Variants in ERGIC2 observed in about 807,000 individuals in gnomAD.
ERGIC2 encodes ERGIC and golgi 2, also known as endoplasmic reticulum-Golgi intermediate compartment protein 2.
In ERGIC2, 31 loss-of-function variants were observed where a neutral mutation model predicts 52.5. The ratio of observed to expected loss-of-function variants is 0.59; its 90% confidence interval spans 0.44 to 0.80. ERGIC2 has a LOEUF of 0.80. Ranked by LOEUF, ERGIC2 falls within the 30% of genes least tolerant of loss-of-function variation. ERGIC2 has a pLI of 0.00. For missense variants in ERGIC2, 395 were observed against 455.2 expected (o/e 0.87, Z 1.20); for synonymous variants, 129 against 140.6 (o/e 0.92, Z 0.58).
At position 29,338,722 on chromosome 12, in the gene ERGIC2, C is replaced by T. The variant is rs1949815826; in HGVS notation, c.*2434G>A. The T allele has an allele frequency of 6.6e-6, 1 of 152,006 alleles. No individual in the cohort carries two copies. Among genetic ancestry groups the T allele is most frequent in the Non-Finnish European group, 1.5e-5 (1 of 68,018 alleles). The allele number at this position is 152,006 out of a possible 1,614,324, so 9.4% of individuals were successfully genotyped here. On this transcript the variant is annotated 3_prime_UTR_variant, in exon 14 of 14. Coordinates refer to ENST00000360150, the MANE Select transcript of ERGIC2 (RefSeq NM_016570.3). ...AGAGGTAGTCTGAAGTGTACAAATA[C>T]TGCAGCAGGGAATTATTCACCTAAA... is the stretch of plus-strand genomic sequence containing the variant.
intron 8 of ERGIC2, among the ~76,000 whole-genome samples, chr12:29,350,939 C>T (rs902351597): frequency 5.3e-5 from 8 of 152,008 alleles, no homozygotes; most frequent in African/African-American, 1.9e-4. Flanking sequence ...TTGGTTTTCC[C>T]TTATACTTTT....
At chr12:29,341,254 TTA>T (rs771532795) in intron 13 of ERGIC2, 36 bp from the exon 14 acceptor site, 1 of 1,507,990 alleles carries the variant, frequency 6.6e-7, no homozygotes, top group Non-Finnish European at 9.1e-7. Context: ...GACCAAAGAA[TTA>T]GTTTTATTCC....
intron 7 of ERGIC2, among the ~76,000 whole-genome samples, chr12:29,356,973 T>A (rs1940215253): frequency 6.6e-6 from 1 of 152,048 alleles, no homozygotes; most frequent in Admixed American, 6.5e-5. Flanking sequence ...CGAATCTTTT[T>A]TTTTTTTCTT....
In ERGIC2 at chr12:29,343,194, G is replaced by A; in HGVS notation, c.914C>T (p.Thr305Ile). Residue 305 changes from threonine (T) to isoleucine (I), a missense_variant, in exon 12 of 14, where the codon ACT becomes ATT. Physicochemically the swap from Thr to Ile is moderately conservative, Grantham distance 89 (BLOSUM62 -1). Transcript: ENST00000360150. ...CTGCCAGAATGGCATGTGCTCCTCA[G>A]TAACTGTCACCATAAGAGAACTGAG... is the stretch of plus-strand genomic sequence containing the variant. ...YDLSSLMVTVTEEHMPFWQFF... is the reference protein window; with the variant it reads ...YDLSSLMVTVIEEHMPFWQFF... The A allele has an allele frequency of 1.2e-6, 2 of 1,611,064 alleles. No homozygotes were observed. The highest frequency in any genetic ancestry group is 1.7e-6 in the Non-Finnish European group (2 of 1,177,984).
chr12:29,370,429 A>G (rs1275219995), intron 2 of ERGIC2, among the ~76,000 whole-genome samples: 2 of 152,002 alleles, frequency 1.3e-5, no homozygotes, highest in Non-Finnish European at 2.9e-5. Context: ...TTTAATATAT[A>G]CAAATATGAA....
At chr12:29,376,265 G>A (rs931750161) in intron 1 of ERGIC2, among the ~76,000 whole-genome samples, 6 of 152,110 alleles carry the variant, frequency 3.9e-5, no homozygotes, top group African/African-American at 1.2e-4. Context: ...ATAGCAGGTG[G>A]TAGAACTTGA....
chr12:29,375,378 G>A (rs1253949617), intron 1 of ERGIC2, among the ~76,000 whole-genome samples: 4 of 152,094 alleles, frequency 2.6e-5, no homozygotes, highest in Admixed American at 6.5e-5. Flanking sequence ...TTGAGAAAAG[G>A]AAGGAAGGAA....
At chr12:29,354,676 C>G (rs1336645520) in intron 8 of ERGIC2, among the ~76,000 whole-genome samples, 1 of 152,100 alleles carries the variant, frequency 6.6e-6, no homozygotes, top group Non-Finnish European at 1.5e-5. Flanking sequence ...GAACCAAATG[C>G]TTTTCTATTT....
intron 6 of ERGIC2, 24 bp downstream of exon 6, chr12:29,361,621 C>G (rs1372408639): frequency 6.4e-7 from 1 of 1,573,994 alleles, no homozygotes; most frequent in Non-Finnish European, 8.7e-7. Flanking sequence ...TTCTATGGAC[C>G]ACAATACTTT....
chr12:29,364,153 G>A (rs1005883253), intron 5 of ERGIC2, among the ~76,000 whole-genome samples: 2 of 152,066 alleles, frequency 1.3e-5, no homozygotes, highest in African/African-American at 4.8e-5. Context: ...TCCCAGTTCA[G>A]AGCAACAGAG....
chr12:29,348,123 A>C (rs917982304), intron 10 of ERGIC2, among the ~76,000 whole-genome samples: 3 of 152,180 alleles, frequency 2.0e-5, no homozygotes, highest in African/African-American at 7.2e-5. Context: ...TTCCATCCAC[A>C]CATTTCTAAA....
intron 3 of ERGIC2, among the ~76,000 whole-genome samples, chr12:29,368,794 G>A (rs988470691): frequency 2.0e-5 from 3 of 151,870 alleles, no homozygotes; most frequent in South Asian, 2.1e-4. Context: ...TGGTGTTCAC[G>A]GTAGTGTAAA....
At chr12:29,380,039 C>G (rs1453537691) in intron 1 of ERGIC2, among the ~76,000 whole-genome samples, 1 of 128,094 alleles carries the variant, frequency 7.8e-6, no homozygotes, top group Non-Finnish European at 1.6e-5. Context: ...CAACTGTATA[C>G]TAAAGTTCAC....
Position 29,371,676 on chromosome 12 carries a change from G to T in ERGIC2, c.-37-6C>A, listed in dbSNP as rs368806951. 1.6e-6 allele frequency: 2 copies of T among 1,256,584 alleles called. No homozygotes were observed. Among genetic ancestry groups the T allele is most frequent in the African/African-American group, 1.5e-5 (1 of 67,062 alleles). 77.8% of individuals were successfully genotyped at this position (1,256,584 alleles called of 1,614,324 possible). On this transcript the variant is annotated splice_region_variant and splice_polypyrimidine_tract_variant and intron_variant, in intron 1 of 13. Transcript: ENST00000360150. Reference sequence around the variant, plus strand: ...TCTTCCTTCATATAGTCATGCTAAGGAATAAATAAATTAATGAATAAATGA... The same window carrying T: ...TCTTCCTTCATATAGTCATGCTAAGTAATAAATAAATTAATGAATAAATGA...
intron 11 of ERGIC2, 59 bp from the exon 12 acceptor site, chr12:29,343,341 TCATCTGGTTACTTA>T: frequency 1.4e-6 from 2 of 1,386,820 alleles, no homozygotes; most frequent in Non-Finnish European, 2.0e-6. Context: ...AGAATTCATG[TCATCTGGTTACTTA>T]CATACATTCA....
Position 29,337,391 on chromosome 12 carries a change from T to C in ERGIC2, c.*3765A>G, listed in dbSNP as rs1949803489. 6.8e-6 allele frequency: 1 copy of C among 146,254 alleles called. No individual in the cohort carries two copies. Among genetic ancestry groups the C allele is most frequent in the African/African-American group, 2.7e-5 (1 of 37,258 alleles). The allele number at this position is 146,254 out of a possible 1,614,324, so 9.1% of individuals were successfully genotyped here. A position where few individuals can be genotyped will look rare whatever the true frequency, so the allele number is the denominator to read the frequency against. On this transcript the variant is annotated 3_prime_UTR_variant, in exon 14 of 14. Transcript: ENST00000360150. ...ATTTATTGAGTCCAAATGTTTATGC[T>C]TGCAATACTAAATATTTTGTTTTTT...
chr12:29,366,923 A>G lies in ERGIC2; in HGVS notation c.287T>C (p.Leu96Ser). 6.2e-7 allele frequency: 1 copy of G among 1,602,528 alleles called. No homozygotes were observed. The highest frequency in any genetic ancestry group is 8.5e-7 in the Non-Finnish European group (1 of 1,173,662). ...CQYVGADVLD[L>S]AETMVASADG... Reference sequence around the variant, plus strand: ...TGCAGATGCAACCATTGTTTCTGCTAAATCCAATACATCCGCTCCAACATC... The same window carrying G: ...TGCAGATGCAACCATTGTTTCTGCTGAATCCAATACATCCGCTCCAACATC... The change falls in exon 5 of 14, where the codon TTA becomes TCA. Residue 96 changes from leucine (L) to serine (S), a missense_variant. Physicochemically the swap from Leu to Ser is moderately radical, Grantham distance 145. Transcript: ENST00000360150.
chr12:29,362,195 A>AAAGTT (rs1940296095), intron 5 of ERGIC2, among the ~76,000 whole-genome samples: 1 of 152,208 alleles, frequency 6.6e-6, no homozygotes, highest in African/African-American at 2.4e-5. Context: ...AGGCATGATC[A>AAAGTT]AAGTTAGACT....
intron 11 of ERGIC2, among the ~76,000 whole-genome samples, chr12:29,344,028 C>T (rs1012087578): frequency 6.6e-6 from 1 of 152,002 alleles, no homozygotes; most frequent in African/African-American, 2.4e-5. Flanking sequence ...AGTCAAATGC[C>T]CTGGGATTCT....
Sources: gnomAD v4.1 joint callset for allele counts (sites outside exome capture counted in the v4.1 genomes callset) on GRCh38, gnomAD v4.1.1 for gene constraint, MANE v1.5 for transcripts, NCBI Gene and HGNC (gene_info 2026-07-23, HGNC 2026-07-21) for gene names.